The following GPC5 variants were observed in gnomAD, a reference collection of about 807,000 sequenced individuals.
GPC5 encodes glypican-5.
GPC5 carries 47 observed loss-of-function variants against 53.9 expected under a neutral mutation model. The observed-to-expected ratio is 0.87, with a 90% confidence interval of 0.69 to 1.11. The LOEUF (loss-of-function observed/expected upper bound fraction) is 1.11, where lower values mean the gene tolerates loss of function less well. Ranked by LOEUF, GPC5 falls within the 50% of genes most tolerant of loss-of-function variation. The pLI, the probability that GPC5 is intolerant of heterozygous loss-of-function variation, is 0.00. For missense variants in GPC5, 748 were observed against 713.1 expected (o/e 1.05, Z -0.56); for synonymous variants, 286 against 263.3 (o/e 1.09, Z -0.84).
intron 6 of GPC5, among the ~76,000 whole-genome samples, chr13:91,971,423 A>G (rs9560892): frequency 0.6 from 90,721 of 151,830 alleles, 27,629 homozygotes; most frequent in East Asian, 0.75. Context: ...ACCAGCTCCT[A>G]GATTCACTAA....
At chr13:91,987,466 G>A (rs1198404605) in intron 6 of GPC5, among the ~76,000 whole-genome samples, 1 of 152,154 alleles carries the variant, frequency 6.6e-6, no homozygotes, top group Non-Finnish European at 1.5e-5. Context: ...CTTTAAGAAA[G>A]ATTTGAAAGT....
intron 1 of GPC5, among the ~76,000 whole-genome samples, chr13:91,448,013 A>C (rs550041970): frequency 2.0e-5 from 3 of 152,150 alleles, no homozygotes; most frequent in Non-Finnish European, 4.4e-5. Flanking sequence ...CTGGGTCCCT[A>C]CCAGGATGAA....
intron 6 of GPC5, among the ~76,000 whole-genome samples, chr13:92,080,263 C>G (rs963496874): frequency 1.3e-5 from 2 of 152,110 alleles, no homozygotes; most frequent in Non-Finnish European, 2.9e-5. Context: ...CCAACCACAT[C>G]CTCTTCTTGG....
At position 91,405,545 on chromosome 13, in the gene GPC5, C is replaced by G. The variant is rs1180792095; in HGVS notation, c.163+6336C>G. On this transcript the variant is annotated intron_variant, in intron 1 of 7. Transcript: ENST00000377067. The stretch of plus-strand genomic sequence containing the variant: ...AAGTTCACGAAACTAGGTTACACCA[C>G]TTATTATGGTGGAATCCTTTTTGTT... 2.6e-5 allele frequency among the ~76,000 whole-genome samples: 4 copies of G among 152,196 alleles called. No homozygotes were observed. In the South Asian group the frequency reaches 8.3e-4, roughly 32 times the overall value.
chr13:92,781,489 A>T (rs1876021514), intron 7 of GPC5, among the ~76,000 whole-genome samples: 1 of 152,128 alleles, frequency 6.6e-6, no homozygotes, highest in Non-Finnish European at 1.5e-5. Context: ...AATTATTTTG[A>T]TGTACAGGTT....
intron 7 of GPC5, among the ~76,000 whole-genome samples, chr13:92,324,758 G>C (rs1453010087): frequency 6.6e-6 from 1 of 151,622 alleles, no homozygotes; most frequent in Admixed American, 6.6e-5. Flanking sequence ...TATTATGTTA[G>C]TGACTTGACT....
intron 7 of GPC5, among the ~76,000 whole-genome samples, chr13:92,586,962 A>G (rs55977935): frequency 0.089 from 8,986 of 100,684 alleles, 330 homozygotes; most frequent in Middle Eastern, 0.17. Flanking sequence ...ACACACACAC[A>G]CGCGCACACA....
chr13:92,663,292 C>T (rs1333303894), intron 7 of GPC5, among the ~76,000 whole-genome samples: 1 of 151,830 alleles, frequency 6.6e-6, no homozygotes, highest in Non-Finnish European at 1.5e-5. Flanking sequence ...TTTTCAGGAA[C>T]TACACATAAT....
chr13:91,851,304 A>C (rs1179280789), intron 5 of GPC5, among the ~76,000 whole-genome samples: 2 of 152,118 alleles, frequency 1.3e-5, no homozygotes, highest in Non-Finnish European at 2.9e-5. Flanking sequence ...TACAGTAAAA[A>C]TAAAATCTAA....
chr13:92,509,667 G>A (rs1182232601), intron 7 of GPC5: 1 of 152,090 alleles, frequency 6.6e-6, no homozygotes, highest in Non-Finnish European at 1.5e-5. Flanking sequence ...GGCATCCAAG[G>A]AAGACAGAAA....
intron 7 of GPC5, among the ~76,000 whole-genome samples, chr13:92,250,874 GA>G (rs778640195): frequency 6.6e-6 from 1 of 151,376 alleles, no homozygotes; most frequent in Non-Finnish European, 1.5e-5. Context: ...TTTATTGATT[GA>G]AAAAAAAGGA....
intron 7 of GPC5, among the ~76,000 whole-genome samples, chr13:92,526,708 GT>G (rs1881295158): frequency 2.6e-5 from 4 of 151,828 alleles, no homozygotes; most frequent in South Asian, 2.1e-4. Flanking sequence ...GACTTCAGAG[GT>G]TTTAGGAGAC....
intron 2 of GPC5, among the ~76,000 whole-genome samples, chr13:91,580,085 C>CTT (rs2032300980): frequency 6.6e-6 from 1 of 152,142 alleles, no homozygotes; most frequent in Non-Finnish European, 1.5e-5. Context: ...GAGTCTTGCT[C>CTT]TGTCACCCAG....
At chr13:92,456,718 C>A (rs1384458492) in intron 7 of GPC5, among the ~76,000 whole-genome samples, 1 of 152,138 alleles carries the variant, frequency 6.6e-6, no homozygotes, top group Non-Finnish European at 1.5e-5. Flanking sequence ...CTCTTGTCCT[C>A]CACTCTTGAA....
At chr13:91,997,600 C>T (rs1043642474) in intron 6 of GPC5, among the ~76,000 whole-genome samples, 6 of 152,156 alleles carry the variant, frequency 3.9e-5, no homozygotes, top group African/African-American at 9.7e-5. Context: ...CTCACTGCAA[C>T]CTCCGCCTCC....
chr13:91,681,997 G>C (rs2035518830), intron 2 of GPC5, among the ~76,000 whole-genome samples: 1 of 151,174 alleles, frequency 6.6e-6, no homozygotes, highest in Non-Finnish European at 1.5e-5. Context: ...TTTATATAGG[G>C]TGTCAGACTA....
intron 5 of GPC5, among the ~76,000 whole-genome samples, chr13:91,896,954 CT>C (rs1343369951): frequency 6.6e-6 from 1 of 152,112 alleles, no homozygotes; most frequent in Non-Finnish European, 1.5e-5. Context: ...AGGAATTTGG[CT>C]GTAGTGTAGT....
chr13:92,252,339 CAG>C (rs1228855669), intron 7 of GPC5, among the ~76,000 whole-genome samples: 1 of 152,030 alleles, frequency 6.6e-6, no homozygotes, highest in Non-Finnish European at 1.5e-5. Context: ...CATTTACTAA[CAG>C]AAAGTAATAA....
intron 7 of GPC5, among the ~76,000 whole-genome samples, chr13:92,459,004 A>G (rs1878381194): frequency 6.6e-6 from 1 of 152,132 alleles, no homozygotes; most frequent in South Asian, 2.1e-4. Flanking sequence ...TTTAAGATGT[A>G]TAGTTTAATG....
Sources: allele counts gnomAD v4.1 joint callset (sites outside exome capture counted in the v4.1 genomes callset), GRCh38; gene constraint gnomAD v4.1.1; transcripts MANE v1.5; gene names NCBI Gene and HGNC (gene_info 2026-07-23, HGNC 2026-07-21).